Variants in GRHL2 observed in about 807,000 individuals in gnomAD.
The protein encoded by GRHL2 is grainyhead-like protein 2 homolog.
GRHL2 carries 21 observed loss-of-function variants against 83.8 expected under a neutral mutation model. The observed-to-expected ratio is 0.25, with a 90% CI of 0.18 to 0.36. The LOEUF (loss-of-function observed/expected upper bound fraction) is 0.36. Ranked by LOEUF, GRHL2 falls within the 10% of genes least tolerant of loss-of-function variation. The pLI, the probability that GRHL2 is intolerant of heterozygous loss-of-function variation, is 1.00. For synonymous variants in GRHL2, 280 were observed against 278.9 expected (o/e 1.00, Z -0.04); for missense variants, 623 against 781.8 (o/e 0.80, Z 2.42).
At chr8:101,564,649 A>G (rs1300112259) in intron 4 of GRHL2, among the ~76,000 whole-genome samples, 2 of 151,948 alleles carry the variant, frequency 1.3e-5, no homozygotes, top group Non-Finnish European at 2.9e-5. Flanking sequence ...CTACAAAAAT[A>G]CAAAATAAAA....
chr8:101,584,121 ATC>A, intron 7 of GRHL2, among the ~76,000 whole-genome samples: 1 of 152,326 alleles, frequency 6.6e-6, no homozygotes, highest in East Asian at 1.9e-4. Context: ...TCTTTATTCA[ATC>A]TCTGTCTTCA....
At chr8:101,634,495 A>G (rs913367782) in intron 11 of GRHL2, among the ~76,000 whole-genome samples, 2 of 152,236 alleles carry the variant, frequency 1.3e-5, no homozygotes, top group African/African-American at 4.8e-5. Context: ...CTGCAGAACA[A>G]GAGCCAGCAG....
chr8:101,555,255 C>G lies in GRHL2; in HGVS notation c.284+2473C>G, dbSNP rs77729097. Among the ~76,000 whole-genome samples the G allele has an allele frequency of 4.0e-3, 603 of 152,194 alleles. 2 individuals carry two copies. Among genetic ancestry groups the G allele is most frequent in the African/African-American group, 0.014 (569 of 41,522 alleles). On this transcript the variant is annotated intron_variant, in intron 3 of 15. Coordinates refer to ENST00000646743, the MANE Select transcript of GRHL2 (RefSeq NM_024915.4). ...CAACTTTGTAGCCAATAAATGTAGA[C>G]CAATTTATGTACTCCTAACCTGTAG...
At chr8:101,658,453 T>A (rs1177688764) in intron 14 of GRHL2, among the ~76,000 whole-genome samples, 2 of 152,158 alleles carry the variant, frequency 1.3e-5, no homozygotes, top group East Asian at 3.8e-4. Flanking sequence ...AAGCACTTAT[T>A]CCATTGTCAT....
the GRHL2 span, among the ~76,000 whole-genome samples, chr8:101,678,079 G>C: frequency 6.6e-6 from 1 of 152,220 alleles, no homozygotes; most frequent in African/African-American, 2.4e-5. Context: ...CGAGGGAAGA[G>C]AAGGAGGTCC....
downstream of GRHL2, among the ~76,000 whole-genome samples, chr8:101,674,067 G>A (rs1275265793): frequency 1.3e-5 from 2 of 152,036 alleles, no homozygotes. Flanking sequence ...AGTGTGTAGA[G>A]GGAAATTTAT....
intron 14 of GRHL2, among the ~76,000 whole-genome samples, chr8:101,654,575 C>CAAAG (rs1042329427): frequency 5.3e-5 from 8 of 152,128 alleles, no homozygotes; most frequent in Admixed American, 2.6e-4. Context: ...AAAAAACGAA[C>CAAAG]AAAGAGTTTT....
At chr8:101,566,328 A>G (rs1811716624) in intron 4 of GRHL2, among the ~76,000 whole-genome samples, 1 of 151,924 alleles carries the variant, frequency 6.6e-6, no homozygotes, top group African/African-American at 2.4e-5. Context: ...TTAACATGGC[A>G]TTTACTCACC....
Position 101,611,924 on chromosome 8 carries a change from C to T in GRHL2, c.1099-7615C>T, listed in dbSNP as rs116905784. 1.6e-3 allele frequency among the ~76,000 whole-genome samples: 236 copies of T among 151,146 alleles called. 4 individuals are homozygous for T. The highest frequency in any genetic ancestry group is 0.013 in the East Asian group (67 of 5,176). ...CTTTCTTTCTCTTCCATCTCTCTTT[C>T]TCCTGTCTCAAGACTCCTACAGGAA... On this transcript the variant is annotated intron_variant, in intron 8 of 15. Coordinates refer to ENST00000646743, the MANE Select transcript of GRHL2 (RefSeq NM_024915.4).
chr8:101,656,084 A>G lies in GRHL2; in HGVS notation c.1698+6585A>G, dbSNP rs10101770. ...TTCCCAGCCCACCCACGTAAATAGCATCTTCATCGCTCTCTGTCATTCACA... is the reference window on the plus strand; with the variant it reads ...TTCCCAGCCCACCCACGTAAATAGCGTCTTCATCGCTCTCTGTCATTCACA... On this transcript the variant is annotated intron_variant, in intron 14 of 15. Transcript: ENST00000646743. Among the ~76,000 whole-genome samples, 8 of 152,272 alleles carry G rather than the reference A, an allele frequency of 5.3e-5. No individual in the cohort carries two copies. In the East Asian group the frequency reaches 1.4e-3, roughly 26 times the overall value.
intron 14 of GRHL2, among the ~76,000 whole-genome samples, chr8:101,661,847 T>C (rs1813929825): frequency 6.6e-6 from 1 of 152,222 alleles, no homozygotes; most frequent in Non-Finnish European, 1.5e-5. Flanking sequence ...GTTTCTAGTG[T>C]TGAGATGAGA....
In GRHL2 at chr8:101,649,264, T is replaced by G. The variant is rs182776474; in HGVS notation, c.1613-150T>G. 27 of 696,946 alleles carry G rather than the reference T, an allele frequency of 3.9e-5. No homozygotes were observed. In the Admixed American group the frequency reaches 5.0e-4, roughly 13 times the overall value. The allele number at this position is 696,946 out of a possible 1,614,324, so 43.2% of individuals were successfully genotyped here. On this transcript the variant is annotated intron_variant, in intron 13 of 15. Coordinates refer to ENST00000646743, the MANE Select transcript of GRHL2 (RefSeq NM_024915.4). ...GTTTATGGAGATGTCTCAGTCACCCTTGTTGAATGTTAGTTATCTGGACCA... is the reference window on the plus strand; with the variant it reads ...GTTTATGGAGATGTCTCAGTCACCCGTGTTGAATGTTAGTTATCTGGACCA...
chr8:101,598,488 C>T (rs990297375), intron 7 of GRHL2, among the ~76,000 whole-genome samples: 2 of 151,986 alleles, frequency 1.3e-5, no homozygotes, highest in African/African-American at 2.4e-5. Context: ...AATCCTCCTA[C>T]CTCGGCCTCC....
chr8:101,678,447 C>A, the GRHL2 span, among the ~76,000 whole-genome samples: 1 of 152,174 alleles, frequency 6.6e-6, no homozygotes, highest in Non-Finnish European at 1.5e-5. Context: ...CACGGAGTCT[C>A]GCTGATTGCT....
At chr8:101,608,169 G>GCAGTTTC (rs1382019534) in intron 8 of GRHL2, among the ~76,000 whole-genome samples, 9 of 152,200 alleles carry the variant, frequency 5.9e-5, no homozygotes, top group Non-Finnish European at 1.3e-4. Flanking sequence ...TAAGTAAATA[G>GCAGTTTC]CAGTTTCCAT....
intron 6 of GRHL2, among the ~76,000 whole-genome samples, chr8:101,576,130 G>A (rs1811928791): frequency 6.6e-6 from 1 of 152,192 alleles, no homozygotes; most frequent in Admixed American, 6.5e-5. Flanking sequence ...TGTTAATTGG[G>A]AAGACATTGC....
At chr8:101,514,216 A>G (rs1810523004) in intron 1 of GRHL2, among the ~76,000 whole-genome samples, 1 of 152,224 alleles carries the variant, frequency 6.6e-6, no homozygotes, top group African/African-American at 2.4e-5. Flanking sequence ...ATACTTGGCT[A>G]GAAAAACTGG....
intron 9 of GRHL2, among the ~76,000 whole-genome samples, chr8:101,626,776 A>C (rs1242045427): frequency 3.3e-5 from 5 of 152,116 alleles, no homozygotes; most frequent in Non-Finnish European, 7.4e-5. Flanking sequence ...TTGCACTTTA[A>C]TAACAGTAGA....
intron 8 of GRHL2, among the ~76,000 whole-genome samples, chr8:101,604,687 C>T (rs1486667678): frequency 6.6e-6 from 1 of 152,074 alleles, no homozygotes; most frequent in African/African-American, 2.4e-5. Flanking sequence ...TAAAAAAAGC[C>T]TTCTTTCCAT....
Sources: gnomAD v4.1 joint callset for allele counts (sites outside exome capture counted in the v4.1 genomes callset) on GRCh38, gnomAD v4.1.1 for gene constraint, MANE v1.5 for transcripts, NCBI Gene and HGNC (gene_info 2026-07-23, HGNC 2026-07-21) for gene names.